TTLL5: variants seen among roughly 807,000 people sequenced by gnomAD.
TTLL5 encodes the protein tubulin tyrosine ligase like 5.
TTLL5 carries 132 observed loss-of-function variants against 168.4 expected under a neutral mutation model. That is an observed-to-expected ratio of 0.78 (90% CI 0.68 to 0.91). The LOEUF is 0.91. Among genes scored for constraint, TTLL5 ranks in the 40% least tolerant of loss-of-function variants. The probability of loss-of-function intolerance (pLI) is 0.00; values close to 1 mark genes in which losing one functional copy is unlikely to be tolerated. For synonymous variants in TTLL5, 546 were observed against 558.6 expected (o/e 0.98, Z 0.32); for missense variants, 1,545 against 1,581.5 (o/e 0.98, Z 0.39).
chr14:75,785,176 CTTTTTTTTTTTTT>C (rs903930146), intron 26 of TTLL5, among the ~76,000 whole-genome samples: 23 of 102,558 alleles, frequency 2.2e-4, no homozygotes, highest in Non-Finnish European at 3.8e-4. Context: ...AGATTTCCTC[CTTTTTTTTTTTTT>C]TTTTTTTTTT....
At position 75,690,746 on chromosome 14, in the gene TTLL5, A is replaced by G. The variant is rs539533438; in HGVS notation, c.502+424A>G. On this transcript the variant is annotated intron_variant, in intron 6 of 31. Transcript: ENST00000298832. ...GTGATCCTTCCTCCTCAACCTCCCA[A>G]GTAGCTGGGAATACAGGCATGCACC... is the stretch of plus-strand genomic sequence containing the variant. Among the ~76,000 whole-genome samples, 7 of 152,052 alleles carry G rather than the reference A, an allele frequency of 4.6e-5. No homozygotes were observed. In the South Asian group the frequency reaches 1.2e-3, roughly 27 times the overall value.
At chr14:75,889,707 G>C (rs2032294049) in intron 30 of TTLL5, among the ~76,000 whole-genome samples, 1 of 151,798 alleles carries the variant, frequency 6.6e-6, no homozygotes, top group South Asian at 2.1e-4. Flanking sequence ...CATGGCTCCT[G>C]TGGTCCCAGC....
intron 27 of TTLL5, among the ~76,000 whole-genome samples, chr14:75,813,081 T>C (rs763263191): frequency 6.6e-6 from 1 of 152,178 alleles, no homozygotes; most frequent in Non-Finnish European, 1.5e-5. Flanking sequence ...TAATAATTAT[T>C]TGTTCTTGAG....
In TTLL5 at chr14:75,717,927, C is replaced by G; in HGVS notation, c.807C>G (p.Asn269Lys). ...GGAACCAGTTCATGCATCTGACAAA[C>G]TACAGTGTCAACAAGAAAAGTGGAG... ...NIRNQFMHLTNYSVNKKSGDY... is the reference protein window; with the variant it reads ...NIRNQFMHLTKYSVNKKSGDY... Residue 269 changes from asparagine (N) to lysine (K), a missense_variant, in exon 10 of 32, where the codon AAC becomes AAG. Asn to Lys is a moderately conservative substitution (Grantham distance 94, BLOSUM62 0). Transcript: ENST00000298832. 6.2e-7 allele frequency: 1 copy of G among 1,613,800 alleles called. No individual in the cohort carries two copies. Among genetic ancestry groups the G allele is most frequent in the Non-Finnish European group, 8.5e-7 (1 of 1,179,892 alleles).
chr14:75,668,996 A>G (rs1388340252), intron 2 of TTLL5, among the ~76,000 whole-genome samples: 1 of 152,168 alleles, frequency 6.6e-6, no homozygotes, highest in Non-Finnish European at 1.5e-5. Context: ...AGGTCACAAA[A>G]TGGTTGTTGC....
chr14:75,724,767 A>G (rs1054347412), intron 12 of TTLL5, among the ~76,000 whole-genome samples: 6 of 152,182 alleles, frequency 3.9e-5, no homozygotes, highest in Non-Finnish European at 7.4e-5. Flanking sequence ...TTTACAATCT[A>G]ATTTTTACTG....
intron 27 of TTLL5, among the ~76,000 whole-genome samples, chr14:75,804,565 A>G (rs538484367): frequency 2.0e-5 from 3 of 152,364 alleles, no homozygotes; most frequent in Non-Finnish European, 4.4e-5. Context: ...GAACTTAGGT[A>G]CATTTGTGCT....
chr14:75,812,663 A>G (rs181260359), intron 27 of TTLL5, among the ~76,000 whole-genome samples: 1,893 of 152,250 alleles, frequency 0.012, 15 homozygotes, highest in South Asian at 0.026. Flanking sequence ...TCTTCACCCC[A>G]TCAAAGGCAT....
chr14:75,773,485 C>T (rs1891467776), intron 21 of TTLL5, among the ~76,000 whole-genome samples: 1 of 152,186 alleles, frequency 6.6e-6, no homozygotes, highest in African/African-American at 2.4e-5. Context: ...AAAGAATAAC[C>T]ACTGCGGATG....
intron 27 of TTLL5, among the ~76,000 whole-genome samples, chr14:75,794,724 A>G (rs935519132): frequency 3.9e-5 from 6 of 152,214 alleles, no homozygotes; most frequent in African/African-American, 1.2e-4. Context: ...AGTCTTGGTA[A>G]TAGGGTGGTC....
At chr14:75,759,974 C>G (rs1890528585) in intron 18 of TTLL5, among the ~76,000 whole-genome samples, 2 of 152,016 alleles carry the variant, frequency 1.3e-5, no homozygotes, top group South Asian at 4.1e-4. Context: ...TCCACTCATA[C>G]CACTTTTATT....
chr14:75,897,827 G>A (rs1386830741), intron 30 of TTLL5, among the ~76,000 whole-genome samples: 1 of 152,154 alleles, frequency 6.6e-6, no homozygotes, highest in Non-Finnish European at 1.5e-5. Flanking sequence ...ACCTAAATAA[G>A]ACCATTACCA....
chr14:75,889,886 A>C, intron 30 of TTLL5, among the ~76,000 whole-genome samples: 1 of 123,834 alleles, frequency 8.1e-6, no homozygotes, highest in South Asian at 3.1e-4. Flanking sequence ...GGAGGGAGGG[A>C]GGAGGTCAGG....
At chr14:75,853,781 C>CGCCATTACAGGTGGCTTCT (rs1896996182) in intron 28 of TTLL5, among the ~76,000 whole-genome samples, 2 of 152,314 alleles carry the variant, frequency 1.3e-5, no homozygotes, top group East Asian at 1.9e-4. Context: ...CAGTGGCTTA[C>CGCCATTACAGGTGGCTTCT]GCCTGTAATC....
chr14:75,864,173 A>G (rs912491193), intron 29 of TTLL5, among the ~76,000 whole-genome samples: 3 of 152,014 alleles, frequency 2.0e-5, no homozygotes, highest in African/African-American at 4.8e-5. Flanking sequence ...ATAACCTCCC[A>G]TAGGGTCTGA....
chr14:75,665,871 A>T (rs1883216062), intron 2 of TTLL5, among the ~76,000 whole-genome samples: 1 of 152,202 alleles, frequency 6.6e-6, no homozygotes, highest in African/African-American at 2.4e-5. Flanking sequence ...AAAACAAAAA[A>T]ACTGCTGTAA....
intron 5 of TTLL5, chr14:75,683,979 G>C (rs1884830655): frequency 4.0e-6 from 1 of 251,278 alleles, no homozygotes; most frequent in Non-Finnish European, 7.9e-6. Context: ...TCGCCATGTA[G>C]GCCAGGCTGG....
At chr14:75,713,300 T>C (rs1887219640) in intron 9 of TTLL5, among the ~76,000 whole-genome samples, 1 of 152,230 alleles carries the variant, frequency 6.6e-6, no homozygotes, top group Admixed American at 6.5e-5. Flanking sequence ...ATACTTACCA[T>C]TGTGTTCCAG....
At chr14:75,737,263 T>C (rs1888969587) in intron 15 of TTLL5, among the ~76,000 whole-genome samples, 3 of 152,212 alleles carry the variant, frequency 2.0e-5, no homozygotes. Flanking sequence ...TGTAGATTGG[T>C]CATGTGTACT....
Sources: allele counts gnomAD v4.1 joint callset (sites outside exome capture counted in the v4.1 genomes callset), GRCh38; gene constraint gnomAD v4.1.1; transcripts MANE v1.5; gene names NCBI Gene and HGNC (gene_info 2026-07-23, HGNC 2026-07-21).